GRIN2B: variants seen among roughly 807,000 people sequenced by gnomAD.
The protein encoded by GRIN2B is glutamate ionotropic receptor NMDA type subunit 2B, also known as glutamate receptor ionotropic, NMDA 2B.
A neutral mutation model predicts 114.5 loss-of-function variants in GRIN2B; 5 were observed. The ratio of observed to expected loss-of-function variants is 0.04; its 90% CI spans 0.02 to 0.09. The LOEUF is 0.09. Ranked by LOEUF, GRIN2B falls within the 10% of genes least tolerant of loss-of-function variation. GRIN2B has a pLI of 1.00. For missense variants in GRIN2B, 1,108 were observed against 1,943.5 expected (o/e 0.57, Z 8.08); for synonymous variants, 787 against 745.1 (o/e 1.06, Z -0.92).
At chr12:13,876,899 T>A (rs563398637) in intron 2 of GRIN2B, among the ~76,000 whole-genome samples, 1 of 152,334 alleles carries the variant, frequency 6.6e-6, no homozygotes, top group African/African-American at 2.4e-5. Flanking sequence ...CATTAATGAA[T>A]GAACCAGACC....
intron 2 of GRIN2B, among the ~76,000 whole-genome samples, chr12:13,903,860 T>C (rs887984099): frequency 7.9e-5 from 12 of 152,048 alleles, no homozygotes; most frequent in African/African-American, 2.9e-4. Context: ...TTTGATATTA[T>C]ATACTTTGAG....
chr12:13,950,991 G>C (rs1205761106), intron 2 of GRIN2B, among the ~76,000 whole-genome samples: 3 of 152,092 alleles, frequency 2.0e-5, no homozygotes, highest in Non-Finnish European at 4.4e-5. Context: ...GGTGCTTCTA[G>C]AGATAAAAAT....
chr12:13,921,367 A>G (rs893312864), intron 2 of GRIN2B, among the ~76,000 whole-genome samples: 1 of 152,150 alleles, frequency 6.6e-6, no homozygotes, highest in Admixed American at 6.6e-5. Flanking sequence ...CACTGCCACT[A>G]TACTCCAGCC....
At chr12:13,652,062 G>A (rs2136517673) in intron 5 of GRIN2B, among the ~76,000 whole-genome samples, 1 of 152,014 alleles carries the variant, frequency 6.6e-6, no homozygotes, top group East Asian at 2.0e-4. Flanking sequence ...CCATCCATAA[G>A]AAATGTATTA....
chr12:13,866,021 G>A lies in GRIN2B; in HGVS notation c.188C>T (p.Ser63Phe), dbSNP rs1865821627. ...TACCAGTTCCACCCGGGGTACCACGGAGAGATGGTGGAAATCATCTTTCTC... is the reference window on the plus strand; with the variant it reads ...TACCAGTTCCACCCGGGGTACCACGAAGAGATGGTGGAAATCATCTTTCTC... Reference protein sequence around the residue: ...AHEKDDFHHLSVVPRVELVAM... With the variant: ...AHEKDDFHHLFVVPRVELVAM... Residue 63 changes from serine (S) to phenylalanine (F), a missense_variant, in exon 3 of 14, where the codon TCC becomes TTC. Coordinates refer to ENST00000609686, the MANE Select transcript of GRIN2B (RefSeq NM_000834.5). 1.9e-6 allele frequency: 3 copies of A among 1,614,066 alleles called. No individual in the cohort carries two copies. The highest frequency in any genetic ancestry group is 2.5e-6 in the Non-Finnish European group (3 of 1,179,956).
At chr12:13,768,875 A>G (rs1255845924) in intron 3 of GRIN2B, among the ~76,000 whole-genome samples, 1 of 152,114 alleles carries the variant, frequency 6.6e-6, no homozygotes, top group Non-Finnish European at 1.5e-5. Flanking sequence ...TCTACTAAAA[A>G]TACAAAAAAT....
intron 10 of GRIN2B, among the ~76,000 whole-genome samples, chr12:13,576,055 G>T (rs1948771304): frequency 6.6e-6 from 1 of 152,154 alleles, no homozygotes; most frequent in South Asian, 2.1e-4. Context: ...GAGGCCAACA[G>T]GGAGAGAACA....
intron 2 of GRIN2B, among the ~76,000 whole-genome samples, chr12:13,893,076 T>C (rs1866290082): frequency 1.3e-5 from 2 of 152,168 alleles, no homozygotes. Flanking sequence ...GTATTCAAAT[T>C]GACTTGCTTA....
At chr12:13,626,012 A>T (rs982054576) in intron 5 of GRIN2B, among the ~76,000 whole-genome samples, 1 of 152,208 alleles carries the variant, frequency 6.6e-6, no homozygotes, top group Non-Finnish European at 1.5e-5. Context: ...CTCTTGGCTC[A>T]AGGGCTCAAA....
chr12:13,822,217 A>C (rs952652673), intron 3 of GRIN2B, among the ~76,000 whole-genome samples: 1 of 152,172 alleles, frequency 6.6e-6, no homozygotes, highest in Non-Finnish European at 1.5e-5. Flanking sequence ...TCACACTTTT[A>C]ATATATTTGG....
At chr12:13,669,020 A>C (rs977998270) in intron 5 of GRIN2B, among the ~76,000 whole-genome samples, 1 of 11,554 alleles carries the variant, frequency 8.7e-5, no homozygotes, top group Non-Finnish European at 1.7e-4. Flanking sequence ...GAGGGGAGGG[A>C]GGGGAGGTGG....
intron 1 of GRIN2B, 121 bp from the exon 2 acceptor site, chr12:13,980,477 C>T (rs1007838226): frequency 2.6e-5 from 4 of 152,180 alleles, no homozygotes; most frequent in African/African-American, 4.8e-5. Flanking sequence ...CCCCGCATTT[C>T]CCACAGAGTG....
At chr12:13,928,413 T>G (rs1050754316) in intron 2 of GRIN2B, among the ~76,000 whole-genome samples, 2 of 152,060 alleles carry the variant, frequency 1.3e-5, no homozygotes, top group African/African-American at 2.4e-5. Context: ...GGCTGTATAA[T>G]AGATAACAAT....
chr12:13,649,268 T>TGGGA (rs980315453), intron 5 of GRIN2B, among the ~76,000 whole-genome samples: 1 of 151,892 alleles, frequency 6.6e-6, no homozygotes, highest in Non-Finnish European at 1.5e-5. Context: ...AAGATAGAAG[T>TGGGA]GGGAGGGACT....
At chr12:13,747,082 G>A (rs775482703) in intron 4 of GRIN2B, among the ~76,000 whole-genome samples, 3 of 152,032 alleles carry the variant, frequency 2.0e-5, no homozygotes, top group Non-Finnish European at 4.4e-5. Flanking sequence ...GGAGGAAGGC[G>A]AAGAGAAAAA....
chr12:13,601,343 C>T lies in GRIN2B; in HGVS notation c.2010+7260G>A, dbSNP rs75983054. Among the ~76,000 whole-genome samples the T allele has an allele frequency of 6.2e-3, 937 of 152,218 alleles. 10 individuals carry two copies. Among genetic ancestry groups the T allele is most frequent in the African/African-American group, 0.022 (900 of 41,502 alleles). On this transcript the variant is annotated intron_variant, in intron 10 of 13. Transcript: ENST00000609686. ...CATGTCTTCCTGTGGCTGCATCACT[C>T]CTGTGTCTGCTTCCATCTTCATATG...
At chr12:13,971,767 G>A (rs558150362) in intron 2 of GRIN2B, among the ~76,000 whole-genome samples, 3 of 152,228 alleles carry the variant, frequency 2.0e-5, no homozygotes, top group African/African-American at 4.8e-5. Context: ...AGAACTGCTC[G>A]CCCTATTTTG....
chr12:13,785,197 T>C (rs576827905), intron 3 of GRIN2B, among the ~76,000 whole-genome samples: 4 of 152,308 alleles, frequency 2.6e-5, no homozygotes, highest in Admixed American at 2.6e-4. Context: ...ACTTAATAAA[T>C]TCCTCATTTA....
At chr12:13,639,030 T>G (rs758881491) in intron 5 of GRIN2B, among the ~76,000 whole-genome samples, 55 of 152,148 alleles carry the variant, frequency 3.6e-4, no homozygotes, top group Non-Finnish European at 1.0e-4. Flanking sequence ...GAGGAAGGCC[T>G]GCATACACAG....
Sources: allele counts gnomAD v4.1 joint callset (sites outside exome capture counted in the v4.1 genomes callset), GRCh38; gene constraint gnomAD v4.1.1; transcripts MANE v1.5; gene names NCBI Gene and HGNC (gene_info 2026-07-23, HGNC 2026-07-21).